UBAP2: variants seen among roughly 807,000 people sequenced by gnomAD.
UBAP2 encodes ubiquitin-associated protein 2.
Under a neutral mutation model 139.6 loss-of-function variants are expected in UBAP2, and 75 were observed. The ratio of observed to expected loss-of-function variants is 0.54; its 90% CI spans 0.45 to 0.65. The LOEUF is 0.65. Ranked by LOEUF, UBAP2 falls within the 30% of genes least tolerant of loss-of-function variation. The pLI is 0.00. For synonymous variants in UBAP2, 526 were observed against 526.2 expected, an observed-to-expected ratio of 1.00 and a Z score of 0.01; for missense variants, 1,368 against 1,369.6, an observed-to-expected ratio of 1.00 and a Z score of 0.02.
chr9:33,998,775 C>A lies in UBAP2; in HGVS notation c.177+12G>T. ...ATTATAAAAATGATGATATCCTTTG[C>A]CAGAAACATACCTGCTTAACTTTAG... On this transcript the variant is annotated intron_variant, in intron 3 of 28. Transcript: ENST00000379238. The A allele has an allele frequency of 1.2e-6, 2 of 1,605,066 alleles. No individual in the cohort carries two copies. The highest frequency in any genetic ancestry group is 8.5e-7 in the Non-Finnish European group (1 of 1,175,798).
intron 10 of UBAP2, among the ~76,000 whole-genome samples, chr9:33,960,278 A>C (rs577098487): frequency 4.6e-5 from 7 of 152,028 alleles, no homozygotes; most frequent in Non-Finnish European, 8.8e-5. Flanking sequence ...TCTCCCAATC[A>C]TCTTGACAAT....
At chr9:34,009,659 T>C (rs2131244343) in intron 2 of UBAP2, among the ~76,000 whole-genome samples, 1 of 151,984 alleles carries the variant, frequency 6.6e-6, no homozygotes, top group African/African-American at 2.4e-5. Flanking sequence ...CAGGTCTCAC[T>C]ACGTTACTCA....
At chr9:34,007,154 C>G (rs1350673749) in intron 2 of UBAP2, among the ~76,000 whole-genome samples, 2 of 151,902 alleles carry the variant, frequency 1.3e-5, no homozygotes, top group Non-Finnish European at 2.9e-5. Context: ...CAATCTAGAC[C>G]CCTTTATTTC....
At chr9:34,014,425 T>TG (rs1824067899) in intron 2 of UBAP2, among the ~76,000 whole-genome samples, 2 of 150,920 alleles carry the variant, frequency 1.3e-5, no homozygotes, top group South Asian at 2.1e-4. Context: ...GCTCAGGTGT[T>TG]GGAGACCAGG....
Position 33,923,377 on chromosome 9 carries a change from AC to A in UBAP2, c.2896+1del. ...TGTCTCTGTCTGGGAAGTACCCCTC[AC>A]CTGTACTGTAGCCGTGCTGGCCATA... On this transcript the variant is annotated splice_donor_variant, in intron 25 of 28. Transcript: ENST00000379238. LOFTEE classifies it high-confidence loss of function. The A allele has an allele frequency of 6.2e-7, 1 of 1,614,020 alleles. No homozygotes were observed. Among genetic ancestry groups the A allele is most frequent in the Non-Finnish European group, 8.5e-7 (1 of 1,179,964 alleles).
intron 1 of UBAP2, among the ~76,000 whole-genome samples, chr9:34,029,286 G>A (rs1353484685): frequency 6.6e-6 from 1 of 152,134 alleles, no homozygotes; most frequent in Non-Finnish European, 1.5e-5. Context: ...CAGCACTTTG[G>A]GAGGCTGAGG....
chr9:34,030,478 C>T (rs541922169), intron 1 of UBAP2, among the ~76,000 whole-genome samples: 2 of 151,608 alleles, frequency 1.3e-5, no homozygotes, highest in East Asian at 2.0e-4. Flanking sequence ...AAAAAACTGG[C>T]CCGGTATGAC....
chr9:34,012,803 T>C (rs1473609909), intron 2 of UBAP2, among the ~76,000 whole-genome samples: 1 of 151,572 alleles, frequency 6.6e-6, no homozygotes, highest in African/African-American at 2.4e-5. Context: ...TAATTATTCA[T>C]ATTCCCATTG....
rs546631767 is a variant in UBAP2, at chr9:33,923,666, A to G, written c.2796+129T>C. ...AAGTGACCTTGTCCCCAGCCTGAAC[A>G]GTTTCTGAAGACCAGGTAAGACGGA... On this transcript the variant is annotated intron_variant, in intron 24 of 28. Coordinates refer to ENST00000379238, the MANE Select transcript of UBAP2 (RefSeq NM_001370062.2). 2.3e-5 allele frequency: 26 copies of G among 1,118,318 alleles called. No individual in the cohort carries two copies. In the African/African-American group the frequency reaches 4.0e-4, roughly 17 times the overall value. The allele number at this position is 1,118,318 out of a possible 1,614,324, so 69.3% of individuals were successfully genotyped here. A position where few individuals can be genotyped will look rare whatever the true frequency, so the allele number is the denominator to read the frequency against.
intron 16 of UBAP2, chr9:33,939,035 G>A (rs1338280518): frequency 5.5e-6 from 2 of 364,390 alleles, no homozygotes; most frequent in South Asian, 4.2e-5. Flanking sequence ...TAGTTGAAGG[G>A]AATGATGAAA....
chr9:34,039,217 G>A (rs1278274070), intron 1 of UBAP2, among the ~76,000 whole-genome samples: 6 of 149,080 alleles, frequency 4.0e-5, no homozygotes, highest in East Asian at 2.0e-4. Flanking sequence ...CCGGCCAGCC[G>A]CCCCGTTGGG....
intron 6 of UBAP2, among the ~76,000 whole-genome samples, chr9:33,974,809 G>A (rs1349290984): frequency 7.9e-5 from 12 of 151,434 alleles, no homozygotes; most frequent in Admixed American, 2.6e-4. Flanking sequence ...AAAATTAGGC[G>A]CATGCCTGTA....
chr9:34,022,681 C>T (rs1825066278), intron 1 of UBAP2, among the ~76,000 whole-genome samples: 1 of 151,878 alleles, frequency 6.6e-6, no homozygotes, highest in African/African-American at 2.4e-5. Context: ...TCAAGTGATC[C>T]ACCAGCCTCA....
chr9:33,966,621 C>A (rs191072538), intron 8 of UBAP2, among the ~76,000 whole-genome samples: 276 of 152,182 alleles, frequency 1.8e-3, no homozygotes, highest in African/African-American at 6.5e-3. Flanking sequence ...TGAGGGTCTT[C>A]TTTGATCTTT....
rs1284354387 is a variant in UBAP2, at chr9:33,981,207, TATATATATATATATTCTGG to T, written c.520+5534_520+5552del. 2.8e-3 allele frequency among the ~76,000 whole-genome samples: 148 copies of T among 53,134 alleles called. 3 individuals are homozygous for T. The highest frequency in any genetic ancestry group is 4.4e-3 in the African/African-American group (58 of 13,154). 34.9% of individuals were successfully genotyped at this position (53,134 alleles called of 152,430 possible). On this transcript the variant is annotated intron_variant, in intron 6 of 28. Transcript: ENST00000379238. ...TGGATATATATATATATATTCTGGA[TATATATATATATATTCTGG>T]ATATATATATATATTCTGGATATAT...
At chr9:34,028,553 G>C (rs1010258286) in intron 1 of UBAP2, among the ~76,000 whole-genome samples, 2 of 151,606 alleles carry the variant, frequency 1.3e-5, no homozygotes, top group African/African-American at 2.4e-5. Flanking sequence ...CTAATTTTTT[G>C]TATTTTTGGT....
At chr9:33,989,327 G>C (rs895012220) in intron 4 of UBAP2, among the ~76,000 whole-genome samples, 42 of 151,512 alleles carry the variant, frequency 2.8e-4, no homozygotes, top group Non-Finnish European at 7.4e-5. Context: ...TCAGTCTCCT[G>C]AGTAGCTGGG....
intron 19 of UBAP2, among the ~76,000 whole-genome samples, chr9:33,931,376 G>C (rs1294653653): frequency 6.6e-6 from 1 of 152,192 alleles, no homozygotes; most frequent in Admixed American, 6.5e-5. Flanking sequence ...AGACGATTCT[G>C]GCTGTGGCAG....
intron 1 of UBAP2, among the ~76,000 whole-genome samples, chr9:34,041,589 C>A (rs901810589): frequency 6.8e-6 from 1 of 147,932 alleles, no homozygotes; most frequent in African/African-American, 2.5e-5. Flanking sequence ...CCCAGCTACT[C>A]GGGAGGCCGA....
Sources: gnomAD v4.1 joint callset for allele counts (sites outside exome capture counted in the v4.1 genomes callset) on GRCh38, gnomAD v4.1.1 for gene constraint, MANE v1.5 for transcripts, NCBI Gene and HGNC (gene_info 2026-07-23, HGNC 2026-07-21) for gene names.